Variants in GCNA observed in about 807,000 individuals in gnomAD.
The protein encoded by GCNA is germ cell nuclear acidic protein.
GCNA carries 3 observed loss-of-function variants against 38.8 expected under a neutral mutation model. The observed-to-expected ratio is 0.08, with a 90% CI of 0.04 to 0.20. The LOEUF (loss-of-function observed/expected upper bound fraction) is 0.20, where lower values mean the gene tolerates loss of function less well. Among genes scored for constraint, GCNA ranks in the 10% least tolerant of loss-of-function variants. The pLI, the probability that GCNA is intolerant of heterozygous loss-of-function variation, is 1.00. For synonymous variants in GCNA, 195 were observed against 240.2 expected (o/e 0.81, Z 1.74); for missense variants, 446 against 578.6 (o/e 0.77, Z 2.35).
intron 4 of GCNA, among the ~76,000 whole-genome samples, chrX:71,594,125 A>G (rs1019786567): frequency 8.9e-6 from 1 of 112,611 alleles, no homozygotes; most frequent in Non-Finnish European, 1.9e-5. Flanking sequence ...ATTCAGCAGT[A>G]AGGACTGAGC....
At chrX:71,590,321 C>A (rs2040617911) in intron 2 of GCNA, among the ~76,000 whole-genome samples, 1 of 111,440 alleles carries the variant, frequency 9.0e-6, no homozygotes, top group African/African-American at 3.3e-5. Flanking sequence ...CATGTTGATC[C>A]TTTGTTCCTT....
chrX:71,608,694 A>G (rs1340246696), intron 9 of GCNA, among the ~76,000 whole-genome samples: 1 of 112,650 alleles, frequency 8.9e-6, no homozygotes, highest in African/African-American at 3.2e-5. Flanking sequence ...GCACTGGGCA[A>G]TTGTAAATTC....
chrX:71,592,821 A>G (rs2040639633), intron 4 of GCNA, among the ~76,000 whole-genome samples: 1 of 110,716 alleles, frequency 9.0e-6, no homozygotes, highest in Non-Finnish European at 1.9e-5. Context: ...ACTATGCCTT[A>G]ACATCCAGGC....
intron 6 of GCNA, 100 bp downstream of exon 6, chrX:71,594,879 C>G: frequency 2.3e-6 from 1 of 429,051 alleles, no homozygotes. Flanking sequence ...GAGTAAACTT[C>G]ACATTTCCTC....
intron 2 of GCNA, among the ~76,000 whole-genome samples, chrX:71,590,934 C>T (rs1486763301): frequency 4.5e-5 from 5 of 111,521 alleles, no homozygotes; most frequent in Non-Finnish European, 9.4e-5. Flanking sequence ...GCAACTGCCT[C>T]GGCCTCCCAA....
rs760765725 is a variant in GCNA, at chrX:71,609,086, A to G, written c.1580A>G (p.Asp527Gly). The part of the protein sequence containing the change: ...NKDELVQRIY[D>G]LFNRSVCDKK... ...GATGAATTGGTTCAGAGAATCTACG[A>G]CCTGTTTAACAGATCCGTCTGTGAT... The change falls in exon 10 of 13, where the codon GAC becomes GGC. Residue 527 changes from aspartate (D) to glycine (G), a missense_variant. Around this residue, in one of 7 missense-constraint regions of GCNA, gnomAD observed 60 missense variants for 111.0 expected, o/e 0.54. Transcript: ENST00000373696. 9.9e-6 allele frequency: 12 copies of G among 1,209,636 alleles called. No homozygotes were observed. In the Admixed American group the frequency reaches 2.4e-4, roughly 24 times the overall value.
At chrX:71,596,226 T>G (rs2040670463) in intron 6 of GCNA, among the ~76,000 whole-genome samples, 1 of 111,751 alleles carries the variant, frequency 8.9e-6, no homozygotes, top group Non-Finnish European at 1.9e-5. Context: ...AATAAATAAA[T>G]AAATAAAGTC....
intron 11 of GCNA, among the ~76,000 whole-genome samples, chrX:71,611,700 C>CCCCA (rs2040811673): frequency 9.0e-6 from 1 of 111,307 alleles, no homozygotes; most frequent in Non-Finnish European, 1.9e-5. Flanking sequence ...AGCGATTGCT[C>CCCCA]CCCACCCTGT....
chrX:71,601,340 A>AAACAAC (rs753574647), intron 7 of GCNA, among the ~76,000 whole-genome samples: 2 of 109,155 alleles, frequency 1.8e-5, no homozygotes, highest in South Asian at 8.1e-4. Flanking sequence ...ACTCCATCTC[A>AAACAAC]AACAACAACA....
intron 2 of GCNA, among the ~76,000 whole-genome samples, chrX:71,590,602 AT>A (rs2040620058): frequency 8.9e-6 from 1 of 111,948 alleles, no homozygotes; most frequent in Admixed American, 9.5e-5. Context: ...GCCATCATGT[AT>A]TTTGAAAGAT....
At chrX:71,584,275 C>CG (rs2040568478) in intron 2 of GCNA, among the ~76,000 whole-genome samples, 1 of 110,364 alleles carries the variant, frequency 9.1e-6, no homozygotes, top group Non-Finnish European at 1.9e-5. Context: ...TTGTTTGAGA[C>CG]GGTATTACTC....
intron 7 of GCNA, among the ~76,000 whole-genome samples, chrX:71,602,264 A>G (rs2040721519): frequency 9.0e-6 from 1 of 111,343 alleles, no homozygotes; most frequent in Non-Finnish European, 1.9e-5. Context: ...TTGGCTCAGT[A>G]TAACCCCCAC....
intron 2 of GCNA, among the ~76,000 whole-genome samples, chrX:71,587,912 C>T (rs1295574755): frequency 9.0e-6 from 1 of 111,423 alleles, no homozygotes; most frequent in Non-Finnish European, 1.9e-5. Context: ...TCCTCAGCCT[C>T]CCCAGTAGCT....
At chrX:71,599,276 C>G (rs1320480400) in intron 7 of GCNA, among the ~76,000 whole-genome samples, 1 of 111,679 alleles carries the variant, frequency 9.0e-6, no homozygotes, top group Non-Finnish European at 1.9e-5. Flanking sequence ...TCCTATTGTT[C>G]TACCACCTAT....
intron 2 of GCNA, among the ~76,000 whole-genome samples, chrX:71,590,279 G>A (rs760672552): frequency 5.4e-5 from 6 of 111,491 alleles, no homozygotes; most frequent in African/African-American, 1.6e-4. Flanking sequence ...TAGGGATTTG[G>A]GTGGGGCTCT....
At chrX:71,604,816 A>T in intron 8 of GCNA, 140 bp downstream of exon 8, 1 of 855,706 alleles carries the variant, frequency 1.2e-6, no homozygotes, top group Non-Finnish European at 1.6e-6. Flanking sequence ...GGAGGCATCC[A>T]TCCCAGTGCA....
chrX:71,585,745 A>T (rs1275872773), intron 2 of GCNA, among the ~76,000 whole-genome samples: 2 of 106,247 alleles, frequency 1.9e-5, no homozygotes, highest in Non-Finnish European at 3.9e-5. Flanking sequence ...ATAGATGGGC[A>T]TATATGTGTA....
chrX:71,608,504 C>T (rs1217500230), intron 9 of GCNA, among the ~76,000 whole-genome samples: 1 of 112,171 alleles, frequency 8.9e-6, no homozygotes, highest in African/African-American at 3.2e-5. Flanking sequence ...GATCTCCTGA[C>T]CTCGTGATCC....
intron 2 of GCNA, among the ~76,000 whole-genome samples, chrX:71,585,590 A>C (rs1287250701): frequency 9.0e-6 from 1 of 110,555 alleles, no homozygotes; most frequent in Non-Finnish European, 1.9e-5. Context: ...TTGAGGCCAG[A>C]CACCAACCTG....
Sources: gnomAD v4.1 joint callset for allele counts (sites outside exome capture counted in the v4.1 genomes callset) on GRCh38, gnomAD v4.1.1 for gene constraint, gnomAD v4.1.1 regional missense constraint, MANE v1.5 for transcripts, NCBI Gene and HGNC (gene_info 2026-07-23, HGNC 2026-07-21) for gene names.